The following OSBPL1A variants were observed in gnomAD, a reference collection of about 807,000 sequenced individuals.
OSBPL1A encodes oxysterol binding protein like 1A.
A neutral mutation model predicts 137.1 loss-of-function variants in OSBPL1A; 80 were observed. That is an observed-to-expected ratio of 0.58 (90% CI 0.49 to 0.70). OSBPL1A has a LOEUF of 0.70. Among genes scored for constraint, OSBPL1A ranks in the 30% least tolerant of loss-of-function variants. The pLI is 0.00. For synonymous variants in OSBPL1A, 365 were observed against 389.7 expected, an observed-to-expected ratio of 0.94 and a Z score of 0.75; for missense variants, 970 against 1,129.4, an observed-to-expected ratio of 0.86 and a Z score of 2.02.
At chr18:24,309,696 C>T (rs1402921972) in intron 13 of OSBPL1A, among the ~76,000 whole-genome samples, 3 of 152,174 alleles carry the variant, frequency 2.0e-5, no homozygotes, top group African/African-American at 7.2e-5. Context: ...CACTTCAAAG[C>T]TCATTTTGGA....
intron 14 of OSBPL1A, among the ~76,000 whole-genome samples, chr18:24,291,065 A>G (rs2090166994): frequency 6.6e-6 from 1 of 152,200 alleles, no homozygotes; most frequent in Non-Finnish European, 1.5e-5. Context: ...AGAAGCAGGA[A>G]AAACAAAAAC....
intron 15 of OSBPL1A, among the ~76,000 whole-genome samples, chr18:24,255,788 G>A (rs1250283603): frequency 5.1e-5 from 4 of 79,010 alleles, no homozygotes; most frequent in Non-Finnish European, 1.5e-4. Context: ...ATGGAGTCTC[G>A]CTCTCTCGCC....
chr18:24,177,290 T>G (rs2086475363), intron 21 of OSBPL1A, among the ~76,000 whole-genome samples: 1 of 152,224 alleles, frequency 6.6e-6, no homozygotes, highest in Non-Finnish European at 1.5e-5. Context: ...GGTCCTTTAA[T>G]TAGAAAGAAA....
At chr18:24,172,803 A>G (rs961340013) in intron 21 of OSBPL1A, among the ~76,000 whole-genome samples, 2 of 152,200 alleles carry the variant, frequency 1.3e-5, no homozygotes, top group African/African-American at 4.8e-5. Context: ...GAGACACAAA[A>G]TAAAAAGTCT....
chr18:24,163,586 G>A (rs985399792), intron 27 of OSBPL1A, among the ~76,000 whole-genome samples: 2 of 152,142 alleles, frequency 1.3e-5, no homozygotes, highest in Non-Finnish European at 2.9e-5. Flanking sequence ...TTTGTCTAAC[G>A]GGTTTACCCT....
rs144870291 is a variant in OSBPL1A at position 24,201,270 on chromosome 18, T to G, written c.1602-5070A>C. 3.9e-5 allele frequency among the ~76,000 whole-genome samples: 6 copies of G among 152,308 alleles called. 1 individual carries two copies. The highest frequency in any genetic ancestry group is 1.4e-4 in the African/African-American group (6 of 41,566). ...GAGTCTCACAGTGGTTTCATCTATG[T>G]GATGCAAACGGCTCCGCCTGCTAGC... On this transcript the variant is annotated intron_variant, in intron 17 of 27. Transcript: ENST00000319481.
rs1274953172 is a variant in OSBPL1A at position 24,397,720 on chromosome 18, C to G, written c.-68G>C. The G allele has an allele frequency of 2.0e-5, 3 of 152,330 alleles. No homozygotes were observed. The highest frequency in any genetic ancestry group is 2.0e-4 in the Admixed American group (3 of 15,286). The allele number at this position is 152,330 out of a possible 1,614,324, so 9.4% of individuals were successfully genotyped here. A position where few individuals can be genotyped will look rare whatever the true frequency, so the allele number is the denominator to read the frequency against. ...GCCACGACCCCAGGCTTCCCGTCCG[C>G]CCGCCCCACGTCGAGGAAGTGGTCG... On this transcript the variant is annotated 5_prime_UTR_variant, in exon 1 of 28. Coordinates refer to ENST00000319481, the MANE Select transcript of OSBPL1A (RefSeq NM_080597.4).
intron 1 of OSBPL1A, among the ~76,000 whole-genome samples, chr18:24,382,002 C>G (rs923254029): frequency 5.9e-5 from 9 of 151,568 alleles, no homozygotes; most frequent in Admixed American, 4.6e-4. Context: ...AAAGATCCGT[C>G]AATAAAGGTT....
chr18:24,226,856 T>C (rs1484731883), intron 16 of OSBPL1A, among the ~76,000 whole-genome samples: 1 of 152,042 alleles, frequency 6.6e-6, no homozygotes, highest in Non-Finnish European at 1.5e-5. Context: ...TATAGTTTTG[T>C]TCTGTCCTAT....
chr18:24,177,669 G>T (rs2086485138), intron 21 of OSBPL1A, among the ~76,000 whole-genome samples: 1 of 152,178 alleles, frequency 6.6e-6, no homozygotes, highest in African/African-American at 2.4e-5. Flanking sequence ...TTATTTCTCA[G>T]AGTGAATTCA....
chr18:24,365,798 A>T (rs1265644249), intron 4 of OSBPL1A, among the ~76,000 whole-genome samples: 1 of 152,144 alleles, frequency 6.6e-6, no homozygotes, highest in African/African-American at 2.4e-5. Context: ...CACTTACAAT[A>T]TGTGATCAAA....
At chr18:24,345,131 A>T (rs914416321) in intron 4 of OSBPL1A, among the ~76,000 whole-genome samples, 8 of 148,456 alleles carry the variant, frequency 5.4e-5, no homozygotes, top group African/African-American at 1.3e-4. Flanking sequence ...AAGAATGTTT[A>T]AAAAAAAATA....
chr18:24,353,896 C>T (rs1465653775), intron 4 of OSBPL1A, among the ~76,000 whole-genome samples: 2 of 129,274 alleles, frequency 1.5e-5, no homozygotes, highest in Non-Finnish European at 1.5e-5. Context: ...GGAAGGGGAA[C>T]ATCACACACT....
intron 4 of OSBPL1A, among the ~76,000 whole-genome samples, chr18:24,365,481 G>T (rs1313383095): frequency 1.3e-5 from 2 of 152,026 alleles, no homozygotes; most frequent in African/African-American, 4.8e-5. Context: ...CTACTTGGGA[G>T]GCTAAGGCAG....
chr18:24,372,653 C>A (rs1347790170), intron 2 of OSBPL1A, among the ~76,000 whole-genome samples: 2 of 152,212 alleles, frequency 1.3e-5, no homozygotes, highest in Admixed American at 6.5e-5. Context: ...TCTCCATTGC[C>A]ACTGCGTCTG....
At chr18:24,234,983 A>T (rs2088414439) in intron 16 of OSBPL1A, among the ~76,000 whole-genome samples, 1 of 152,152 alleles carries the variant, frequency 6.6e-6, no homozygotes, top group Non-Finnish European at 1.5e-5. Context: ...AGGCACTGGT[A>T]TAGTAAGTGG....
rs1232404043 is a variant in OSBPL1A at position 24,181,237 on chromosome 18, G to C, written c.1720C>G (p.Leu574Val). 1.9e-6 allele frequency: 3 copies of C among 1,614,148 alleles called. No homozygotes were observed. Among genetic ancestry groups the C allele is most frequent in the Non-Finnish European group, 1.7e-6 (2 of 1,180,026 alleles). The change falls in exon 19 of 28, where the codon CTG becomes GTG. Residue 574 changes from leucine to valine, a missense_variant. Physicochemically the swap from Leu to Val is conservative, Grantham distance 32. Transcript: ENST00000319481. ...ITMPVIFNEP[L>V]SFLQRLTEYM... The stretch of plus-strand genomic sequence containing the variant: ...TCAGTTAGGCGCTGTAGGAAGCTCA[G>C]AGGCTCATTAAATATAACTGGCATC...
rs1268540828 is a variant in OSBPL1A at position 24,172,477 on chromosome 18, A to G, written c.2100T>C (p.Asn700=). The G allele has an allele frequency of 4.3e-6, 7 of 1,612,124 alleles. No homozygotes were observed. In the Admixed American group the frequency reaches 1.2e-4, roughly 27 times the overall value. The stretch of plus-strand genomic sequence containing the variant: ...TGGGATTTGTCCATGTATATGCCTC[A>G]TTGTGTCTAAAAAACAAAACCAAAC... ...GTITLELLEH[N]EAYTWTNPTC... is the part of the protein sequence containing the mutation. The change falls in exon 22 of 28, where the codon AAT becomes AAC. Residue 700 remains asparagine (N), a synonymous_variant. Transcript: ENST00000319481.
At chr18:24,293,376 G>A (rs947423626) in intron 14 of OSBPL1A, among the ~76,000 whole-genome samples, 7 of 152,070 alleles carry the variant, frequency 4.6e-5, no homozygotes, top group Non-Finnish European at 1.0e-4. Flanking sequence ...AGAGAATGAA[G>A]GTAAAGCCCT....
Sources: gnomAD v4.1 joint callset for allele counts (sites outside exome capture counted in the v4.1 genomes callset) on GRCh38, gnomAD v4.1.1 for gene constraint, MANE v1.5 for transcripts, NCBI Gene and HGNC (gene_info 2026-07-23, HGNC 2026-07-21) for gene names.